SLC19A2: variants seen among roughly 807,000 people sequenced by gnomAD.
The protein encoded by SLC19A2 is solute carrier family 19 member 2.
Under a neutral mutation model 44.7 loss-of-function variants are expected in SLC19A2, and 27 were observed. That is an observed-to-expected ratio of 0.60 (90% CI 0.45 to 0.83). The LOEUF is 0.83. Ranked by LOEUF, SLC19A2 falls within the 40% of genes least tolerant of loss-of-function variation. The pLI is 0.00. For missense variants in SLC19A2, 566 were observed against 613.7 expected (o/e 0.92, Z 0.82); for synonymous variants, 239 against 243.6 (o/e 0.98, Z 0.18).
intron 2 of SLC19A2, among the ~76,000 whole-genome samples, chr1:169,471,054 C>T (rs1658161031): frequency 8.2e-6 from 1 of 122,594 alleles, no homozygotes; most frequent in African/African-American, 2.7e-5. Context: ...GAGATCCTAT[C>T]TCTACCAAAA....
intron 2 of SLC19A2, among the ~76,000 whole-genome samples, chr1:169,472,325 A>G (rs893872062): frequency 5.3e-5 from 8 of 152,246 alleles, no homozygotes; most frequent in African/African-American, 1.7e-4. Context: ...CAACTGGGAT[A>G]TCTAAAACTT....
intron 2 of SLC19A2, chr1:169,474,001 G>A (rs1209182551): frequency 6.6e-6 from 1 of 152,084 alleles, no homozygotes; most frequent in Admixed American, 6.5e-5. Context: ...AAATCTCACA[G>A]AATTAAGTAA....
intron 2 of SLC19A2, among the ~76,000 whole-genome samples, chr1:169,470,814 C>T (rs976362738): frequency 3.9e-5 from 6 of 152,092 alleles, no homozygotes; most frequent in Non-Finnish European, 5.9e-5. Flanking sequence ...TACTGAGCTA[C>T]GCACTATCCC....
At position 169,485,769 on chromosome 1, in the gene SLC19A2, G is replaced by A; in HGVS notation, c.-3C>T. On this transcript the variant is annotated 5_prime_UTR_variant, in exon 1 of 6. Transcript: ENST00000236137. Reference sequence around the variant, plus strand: ...GACACCGGGCCGGGCACATCCATCCGGGGCGCGAGGGGAGGGGACCCGGCC... The same window carrying A: ...GACACCGGGCCGGGCACATCCATCCAGGGCGCGAGGGGAGGGGACCCGGCC... The A allele has an allele frequency of 6.5e-7, 1 of 1,528,720 alleles. No homozygotes were observed. The highest frequency in any genetic ancestry group is 8.7e-7 in the Non-Finnish European group (1 of 1,143,140). 94.7% of individuals were successfully genotyped at this position (1,528,720 alleles called of 1,614,324 possible).
intron 2 of SLC19A2, among the ~76,000 whole-genome samples, chr1:169,471,463 CCACA>C (rs59833853): frequency 0.21 from 24,379 of 117,586 alleles, 2,791 homozygotes; most frequent in African/African-American, 0.28. Flanking sequence ...GATCCCGTCT[CCACA>C]CACACACACA....
intron 5 of SLC19A2, among the ~76,000 whole-genome samples, chr1:169,466,952 T>G (rs1021843477): frequency 1.3e-5 from 2 of 152,194 alleles, no homozygotes; most frequent in Non-Finnish European, 2.9e-5. Context: ...CTTAAATCAC[T>G]GAGCCAGTTT....
chr1:169,479,507 A>T (rs1215934728), intron 1 of SLC19A2, among the ~76,000 whole-genome samples: 1 of 152,202 alleles, frequency 6.6e-6, no homozygotes, highest in African/African-American at 2.4e-5. Flanking sequence ...AATCTCCATT[A>T]TCAGTAAAGG....
chr1:169,467,323 C>T (rs183483935), intron 5 of SLC19A2, among the ~76,000 whole-genome samples: 16 of 152,274 alleles, frequency 1.1e-4, no homozygotes, highest in African/African-American at 3.6e-4. Flanking sequence ...AATACAGCAA[C>T]CCTACAAATC....
At chr1:169,467,489 T>C (rs1658064658) in intron 5 of SLC19A2, among the ~76,000 whole-genome samples, 1 of 136,302 alleles carries the variant, frequency 7.3e-6, no homozygotes, top group South Asian at 2.8e-4. Flanking sequence ...TAAATACTTC[T>C]TGATTCATTC....
At chr1:169,482,820 T>C (rs1245305990) in intron 1 of SLC19A2, among the ~76,000 whole-genome samples, 1 of 152,116 alleles carries the variant, frequency 6.6e-6, no homozygotes, top group Non-Finnish European at 1.5e-5. Flanking sequence ...CTTGGTTATG[T>C]GGAAGTGGTA....
rs1028353279 is a variant in SLC19A2, at chr1:169,468,108, T to G, written c.1365+3A>C. ...ACCTTCGATGCCAAAGGAGAGATCT[T>G]ACCTGAGTGGTAATTTCTAATCCAA... On this transcript the variant is annotated splice_donor_region_variant and intron_variant, in intron 5 of 5. Coordinates refer to ENST00000236137, the MANE Select transcript of SLC19A2 (RefSeq NM_006996.3). The G allele has an allele frequency of 6.2e-7, 1 of 1,613,962 alleles. No individual in the cohort carries two copies. Among genetic ancestry groups the G allele is most frequent in the East Asian group, 2.2e-5 (1 of 44,888 alleles).
chr1:169,471,175 C>CA (rs772554687), intron 2 of SLC19A2, among the ~76,000 whole-genome samples: 2 of 151,606 alleles, frequency 1.3e-5, no homozygotes, highest in Non-Finnish European at 2.9e-5. Flanking sequence ...CAGCAAGTTA[C>CA]AAGACTACAT....
chr1:169,477,717 A>T lies in SLC19A2; in HGVS notation c.245T>A (p.Leu82Gln). The change falls in exon 2 of 6, where the codon CTG becomes CAG. Residue 82 changes from leucine (L) to glutamine (Q), a missense_variant. Leu to Gln is a moderately radical substitution (Grantham distance 113). Coordinates refer to ENST00000236137, the MANE Select transcript of SLC19A2 (RefSeq NM_006996.3). The part of the protein sequence containing the change: ...EIYPVWTYSY[L>Q]VLLFPVFLAT... ...AAGGAACACAGGAAACAGTAGCACC[A>T]GGTAAGAGTAAGTCCATACTGGATA... 6.2e-7 allele frequency: 1 copy of T among 1,613,592 alleles called. No homozygotes were observed. The highest frequency in any genetic ancestry group is 8.5e-7 in the Non-Finnish European group (1 of 1,179,732).
chr1:169,476,556 TA>T (rs1197059613), intron 2 of SLC19A2, among the ~76,000 whole-genome samples: 1 of 151,786 alleles, frequency 6.6e-6, no homozygotes, highest in Non-Finnish European at 1.5e-5. Flanking sequence ...CCGTCTCTAC[TA>T]AAATACAAAA....
chr1:169,471,499 ACACACACAC>A (rs1462593663), intron 2 of SLC19A2, among the ~76,000 whole-genome samples: 2 of 132,602 alleles, frequency 1.5e-5, no homozygotes, highest in Non-Finnish European at 3.2e-5. Context: ...ACACACACAC[ACACACACAC>A]AATTTAATTA....
intron 5 of SLC19A2, 41 bp from the exon 6 acceptor site, chr1:169,466,018 A>C: frequency 6.2e-7 from 1 of 1,610,482 alleles, no homozygotes; most frequent in South Asian, 1.1e-5. Context: ...ATCAATGACA[A>C]GAGGATTACT....
chr1:169,476,236 C>G (rs1658305316), intron 2 of SLC19A2, among the ~76,000 whole-genome samples: 1 of 152,172 alleles, frequency 6.6e-6, no homozygotes, highest in African/African-American at 2.4e-5. Context: ...CCATACCTCT[C>G]TCTTCCAAGA....
chr1:169,477,101 C>G, intron 2 of SLC19A2, 54 bp downstream of exon 2: 1 of 1,608,886 alleles, frequency 6.2e-7, no homozygotes. Flanking sequence ...GTTTTTTTCA[C>G]CACGGGTCCA....
intron 5 of SLC19A2, among the ~76,000 whole-genome samples, chr1:169,466,862 ACATCAT>A (rs780535190): frequency 3.3e-5 from 5 of 152,082 alleles, no homozygotes; most frequent in South Asian, 2.1e-4. Context: ...TGGTTTATTA[ACATCAT>A]CATCATCATC....
Sources: gnomAD v4.1 joint callset for allele counts (sites outside exome capture counted in the v4.1 genomes callset) on GRCh38, gnomAD v4.1.1 for gene constraint, MANE v1.5 for transcripts, NCBI Gene and HGNC (gene_info 2026-07-23, HGNC 2026-07-21) for gene names.